The following MAGI2 variants were observed in gnomAD, a reference collection of about 807,000 sequenced individuals.
MAGI2 encodes membrane-associated guanylate kinase, WW and PDZ domain-containing protein 2.
A neutral mutation model predicts 133.3 loss-of-function variants in MAGI2; 35 were observed. The ratio of observed to expected loss-of-function variants is 0.26; its 90% CI spans 0.20 to 0.35. The LOEUF (loss-of-function observed/expected upper bound fraction) is 0.35, where lower values mean the gene tolerates loss of function less well. MAGI2 is among the 10% of genes least tolerant of loss of function. MAGI2 has a pLI of 1.00. For missense variants in MAGI2, 1,636 were observed against 1,863.4 expected, an observed-to-expected ratio of 0.88 and a Z score of 2.25; for synonymous variants, 729 against 710.6, an observed-to-expected ratio of 1.03 and a Z score of -0.41.
chr7:78,913,391 G>A (rs1362732309), intron 2 of MAGI2, among the ~76,000 whole-genome samples: 1 of 152,124 alleles, frequency 6.6e-6, no homozygotes, highest in Non-Finnish European at 1.5e-5. Flanking sequence ...GCCATGCACA[G>A]TGCTATTTCC....
intron 5 of MAGI2, among the ~76,000 whole-genome samples, chr7:78,496,318 A>G (rs1794081047): frequency 6.6e-6 from 1 of 152,224 alleles, no homozygotes; most frequent in Admixed American, 6.5e-5. Context: ...AAGATGACAT[A>G]GTGTTCACTG....
At chr7:78,554,908 G>A (rs965863780) in intron 3 of MAGI2, among the ~76,000 whole-genome samples, 1 of 152,104 alleles carries the variant, frequency 6.6e-6, no homozygotes, top group Non-Finnish European at 1.5e-5. Flanking sequence ...AAGCTGCGGT[G>A]TGAGGGGTGT....
At chr7:78,857,395 T>C (rs1381972905) in intron 2 of MAGI2, among the ~76,000 whole-genome samples, 2 of 152,242 alleles carry the variant, frequency 1.3e-5, no homozygotes, top group African/African-American at 4.8e-5. Flanking sequence ...GGGTTTGTCA[T>C]AGATAGCTCT....
intron 18 of MAGI2, among the ~76,000 whole-genome samples, chr7:78,128,661 A>G (rs534171767): frequency 1.4e-4 from 22 of 152,166 alleles, no homozygotes; most frequent in African/African-American, 4.8e-4. Context: ...AATTGCCATT[A>G]GTGCAATCTA....
At chr7:79,304,738 T>C (rs1337919041) in intron 1 of MAGI2, among the ~76,000 whole-genome samples, 1 of 152,198 alleles carries the variant, frequency 6.6e-6, no homozygotes, top group Non-Finnish European at 1.5e-5. Flanking sequence ...TCTAATTCCC[T>C]CTCAGCTTCT....
intron 1 of MAGI2, among the ~76,000 whole-genome samples, chr7:79,323,726 T>C (rs1473275212): frequency 6.6e-6 from 1 of 152,106 alleles, no homozygotes; most frequent in African/African-American, 2.4e-5. Context: ...GTGGGTAAGA[T>C]GGAGGCAAGG....
In MAGI2 at chr7:78,782,983, T is replaced by G. The variant is rs547079479; in HGVS notation, c.419-155744A>C. ...TCCTTATCTCATGTCATTTCTTCAATTTTGACAATACTTGAAAATGATTCT... is the reference window on the plus strand; with the variant it reads ...TCCTTATCTCATGTCATTTCTTCAAGTTTGACAATACTTGAAAATGATTCT... On this transcript the variant is annotated intron_variant, in intron 2 of 21. Coordinates refer to ENST00000354212, the MANE Select transcript of MAGI2 (RefSeq NM_012301.4). Among the ~76,000 whole-genome samples, 8 of 151,980 alleles carry G rather than the reference T, an allele frequency of 5.3e-5. No homozygotes were observed. The East Asian group carries it at 1.5e-3, about 29-fold the overall frequency.
intron 6 of MAGI2, among the ~76,000 whole-genome samples, chr7:78,394,888 T>G (rs925807914): frequency 8.5e-5 from 13 of 152,206 alleles, no homozygotes; most frequent in African/African-American, 3.1e-4. Context: ...CTACAAGATT[T>G]CCATGGCCGC....
At chr7:79,008,491 A>G (rs994552491) in intron 1 of MAGI2, among the ~76,000 whole-genome samples, 1 of 152,186 alleles carries the variant, frequency 6.6e-6, no homozygotes, top group African/African-American at 2.4e-5. Flanking sequence ...CAACTGAATT[A>G]ACTGTCAAAA....
rs187236406 is a variant in MAGI2 at position 78,403,788 on chromosome 7, T to A, written c.1046-34575A>T. On this transcript the variant is annotated intron_variant, in intron 6 of 21. Coordinates refer to ENST00000354212, the MANE Select transcript of MAGI2 (RefSeq NM_012301.4). ...TTTTTTCATGTGTCTGTTGGCTACA[T>A]AAATGTCTTCTTTTGAGAAGTGTCT... 3.3e-5 allele frequency among the ~76,000 whole-genome samples: 5 copies of A among 152,296 alleles called. No homozygotes were observed. In the East Asian group the frequency reaches 9.6e-4, roughly 29 times the overall value.
rs186038904 is a variant in MAGI2, at chr7:78,067,703, G to C, written c.3706+11244C>G. Among the ~76,000 whole-genome samples, 336 of 152,300 alleles carry C rather than the reference G, an allele frequency of 2.2e-3. 3 individuals are homozygous for C. Among genetic ancestry groups the C allele is most frequent in the Non-Finnish European group, 1.1e-3 (77 of 68,026 alleles). On this transcript the variant is annotated intron_variant, in intron 21 of 21. Coordinates refer to ENST00000354212, the MANE Select transcript of MAGI2 (RefSeq NM_012301.4). ...AAGTTTAGAGATTTTGTTGTAGTTA[G>C]AGCATACAATTAAAGCCTGGAGTAA...
chr7:79,375,012 C>A (rs1390467107), intron 1 of MAGI2, among the ~76,000 whole-genome samples: 2 of 151,922 alleles, frequency 1.3e-5, no homozygotes, highest in African/African-American at 4.8e-5. Context: ...TTCCCTTCTG[C>A]TTTCTTCCTC....
At chr7:78,188,593 T>A (rs1827911499) in intron 12 of MAGI2, among the ~76,000 whole-genome samples, 1 of 152,176 alleles carries the variant, frequency 6.6e-6, no homozygotes, top group South Asian at 2.1e-4. Context: ...ATTTTAATAT[T>A]TCACTAAAGT....
At chr7:78,538,784 G>A (rs994100283) in intron 3 of MAGI2, among the ~76,000 whole-genome samples, 2 of 152,026 alleles carry the variant, frequency 1.3e-5, no homozygotes, top group Non-Finnish European at 2.9e-5. Context: ...CATATCATTG[G>A]CAAACAGCAA....
chr7:78,699,483 C>T (rs1325870323), intron 2 of MAGI2, among the ~76,000 whole-genome samples: 1 of 152,160 alleles, frequency 6.6e-6, no homozygotes, highest in African/African-American at 2.4e-5. Context: ...GTATATAAGA[C>T]AAATAAATTC....
chr7:78,613,995 G>A (rs564649069), intron 3 of MAGI2, among the ~76,000 whole-genome samples: 32 of 151,830 alleles, frequency 2.1e-4, no homozygotes, highest in African/African-American at 5.8e-4. Context: ...CTGTAATCCC[G>A]GCTACATGGG....
intron 9 of MAGI2, among the ~76,000 whole-genome samples, chr7:78,284,765 C>T (rs572112585): frequency 1.9e-4 from 29 of 152,102 alleles, no homozygotes; most frequent in Admixed American, 8.5e-4. Flanking sequence ...CAGAATCAGC[C>T]GCTAGTGTGT....
chr7:78,609,573 A>G (rs930085284), intron 3 of MAGI2, among the ~76,000 whole-genome samples: 1 of 152,170 alleles, frequency 6.6e-6, no homozygotes, highest in South Asian at 2.1e-4. Flanking sequence ...AATACTCATG[A>G]CGGTTACAGT....
chr7:78,095,616 G>C (rs1817624483), intron 20 of MAGI2, among the ~76,000 whole-genome samples: 1 of 152,162 alleles, frequency 6.6e-6, no homozygotes, highest in Non-Finnish European at 1.5e-5. Flanking sequence ...ATGGTTCAAG[G>C]ATCCCCAATT....
Sources: allele counts gnomAD v4.1 joint callset (sites outside exome capture counted in the v4.1 genomes callset), GRCh38; gene constraint gnomAD v4.1.1; transcripts MANE v1.5; gene names NCBI Gene and HGNC (gene_info 2026-07-23, HGNC 2026-07-21).